Variants in PTPRS observed in about 807,000 individuals in gnomAD.
PTPRS encodes the protein protein tyrosine phosphatase receptor type S, also known as receptor-type tyrosine-protein phosphatase S.
Under a neutral mutation model 215.3 loss-of-function variants are expected in PTPRS, and 63 were observed. The ratio of observed to expected loss-of-function variants is 0.29; its 90% CI spans 0.24 to 0.36. PTPRS has a LOEUF of 0.36. Among genes scored for constraint, PTPRS ranks in the 10% least tolerant of loss-of-function variants. The probability of loss-of-function intolerance (pLI) is 1.00; values close to 1 mark genes in which losing one functional copy is unlikely to be tolerated. For missense variants in PTPRS, 2,258 were observed against 2,825.8 expected, an observed-to-expected ratio of 0.80 and a Z score of 4.56; for synonymous variants, 1,404 against 1,191.4, an observed-to-expected ratio of 1.18 and a Z score of -3.68.
intron 13 of PTPRS, among the ~76,000 whole-genome samples, chr19:5,234,596 T>C (rs2043280517): frequency 6.6e-6 from 1 of 152,260 alleles, no homozygotes; most frequent in African/African-American, 2.4e-5. Context: ...AGTTGTCATT[T>C]AAGCAGCACC....
chr19:5,244,473 T>C lies in PTPRS; in HGVS notation c.998A>G (p.Lys333Arg), dbSNP rs2044300354. 1.2e-6 allele frequency: 2 copies of C among 1,613,092 alleles called. No homozygotes were observed. Among genetic ancestry groups the C allele is most frequent in the South Asian group, 2.2e-5 (2 of 91,010 alleles). ...VAQITVKSLPKAPGTPMVTEN... is the reference protein window; with the variant it reads ...VAQITVKSLPRAPGTPMVTEN... ...AGTCACCATGGGAGTCCCGGGAGCT[T>C]TGGGGAGAGCTGTGGGCAGGAGGCA... The change falls in exon 11 of 38, where the codon AAA becomes AGA. Residue 333 changes from lysine to arginine, a missense_variant. Lys to Arg is a conservative substitution (Grantham distance 26, BLOSUM62 2). This residue lies in a region of PTPRS where 508 missense variants were observed against 799.4 expected (regional missense o/e 0.64). Coordinates refer to ENST00000262963, the MANE Select transcript of PTPRS (RefSeq NM_002850.4). The surrounding 1 kb of genome is among the most constrained non-coding windows in gnomAD (Gnocchi z 7.2).
At chr19:5,340,473 G>GC (rs1360568091) in intron 1 of PTPRS, among the ~76,000 whole-genome samples, 191 bp downstream of exon 1, 4 of 150,554 alleles carry the variant, frequency 2.7e-5, no homozygotes, top group Non-Finnish European at 5.9e-5. Context: ...TTGTCCGGGC[G>GC]CAGCTACCGG....
intron 2 of PTPRS, among the ~76,000 whole-genome samples, chr19:5,281,788 G>T (rs2047871819): frequency 6.6e-6 from 1 of 152,162 alleles, no homozygotes; most frequent in South Asian, 2.1e-4. Context: ...GGGTAGAGAC[G>T]CATCCAGCTG....
At chr19:5,241,333 G>C (rs139191475) in intron 11 of PTPRS, among the ~76,000 whole-genome samples, 1 of 152,074 alleles carries the variant, frequency 6.6e-6, no homozygotes, top group East Asian at 1.9e-4. Context: ...ACCTAGGCTG[G>C]AGTGTAGTGG....
At chr19:5,262,515 G>C (rs2046081394) in intron 6 of PTPRS, among the ~76,000 whole-genome samples, 1 of 152,180 alleles carries the variant, frequency 6.6e-6, no homozygotes, top group South Asian at 2.1e-4. Flanking sequence ...TAGCAGCTAG[G>C]CTGGAAAAAT....
At position 5,206,831 on chromosome 19, in the gene PTPRS, C is replaced by A. The variant is rs199713079; in HGVS notation, c.5790G>T (p.Gln1930His). The A allele has an allele frequency of 3.1e-6, 5 of 1,614,130 alleles. No individual in the cohort carries two copies. In the African/African-American group the frequency reaches 6.7e-5, roughly 22 times the overall value. Residue 1930 changes from glutamine (Q) to histidine (H), a missense_variant, in exon 38 of 38, where the codon CAG (glutamine) becomes CAT (histidine). This residue lies in a region of PTPRS where 89 missense variants were observed against 104.0 expected (regional missense o/e 0.86). Coordinates refer to ENST00000262963, the MANE Select transcript of PTPRS (RefSeq NM_002850.4). ...PAMVQTEDEY[Q>H]FCYQAALEYL... The stretch of plus-strand genomic sequence containing the variant: ...ACTCCAGTGCCGCCTGGTAACAGAA[C>A]TGGTACTCATCCTGGGGGAGCAGAG...
At chr19:5,249,881 T>G (rs986442332) in intron 9 of PTPRS, among the ~76,000 whole-genome samples, 4 of 152,250 alleles carry the variant, frequency 2.6e-5, no homozygotes, top group African/African-American at 9.6e-5. Flanking sequence ...GTCAACATCT[T>G]ATCCAAAAGA....
chr19:5,226,208 C>T (rs1283488163), intron 16 of PTPRS, among the ~76,000 whole-genome samples: 1 of 152,214 alleles, frequency 6.6e-6, no homozygotes, highest in African/African-American at 2.4e-5. Flanking sequence ...ATGGCTCCCA[C>T]CTCTCTTGGG....
intron 2 of PTPRS, among the ~76,000 whole-genome samples, chr19:5,275,001 G>T (rs2047236174): frequency 6.6e-6 from 1 of 152,060 alleles, no homozygotes; most frequent in African/African-American, 2.4e-5. Context: ...TCAGAAAGGG[G>T]AAGTAATATT....
intron 2 of PTPRS, among the ~76,000 whole-genome samples, chr19:5,276,326 G>C (rs1568546096): frequency 6.7e-6 from 1 of 149,512 alleles, no homozygotes; most frequent in Non-Finnish European, 1.5e-5. Context: ...AGGTTCAAGT[G>C]ATTCTCCTAC....
chr19:5,328,322 T>C (rs898119626), intron 1 of PTPRS, among the ~76,000 whole-genome samples: 5 of 151,830 alleles, frequency 3.3e-5, no homozygotes, highest in Admixed American at 2.6e-4. Context: ...GTTGGCCAGG[T>C]TGGTCTCAAA....
chr19:5,326,463 G>A (rs1001350662), intron 1 of PTPRS, among the ~76,000 whole-genome samples: 6 of 152,144 alleles, frequency 3.9e-5, no homozygotes, highest in East Asian at 3.9e-4. Flanking sequence ...CCAGGTTTCC[G>A]TTCACAAGAG....
At position 5,222,698 on chromosome 19, in the gene PTPRS, G is replaced by C. The variant is rs766862256; in HGVS notation, c.3094C>G (p.Arg1032Gly). Residue 1032 changes from arginine to glycine, a missense_variant, in exon 18 of 38, where the codon CGG becomes GGG. This residue lies in a region of PTPRS where 361 missense variants were observed against 332.6 expected (regional missense o/e 1.09). Transcript: ENST00000262963. ...GTCGCCGCGCGCCTACCTTGGTCCCGCAGGAACGTCCGGTAGCGGACGGGG... is the reference window on the plus strand; with the variant it reads ...GTCGCCGCGCGCCTACCTTGGTCCCCCAGGAACGTCCGGTAGCGGACGGGG... ...SPPVRYRTFL[R>G]DQVSPKNFKV... The C allele has an allele frequency of 3.8e-6, 6 of 1,585,824 alleles. No individual in the cohort carries two copies. In the African/African-American group the frequency reaches 8.1e-5, roughly 21 times the overall value.
rs1319219847 is a variant in PTPRS, at chr19:5,218,538, G to A, written c.3936-6C>T. On this transcript the variant is annotated splice_polypyrimidine_tract_variant and splice_region_variant and intron_variant, in intron 24 of 37. Coordinates refer to ENST00000262963, the MANE Select transcript of PTPRS (RefSeq NM_002850.4). ...GTTCTGAGTCCTTGCGTTTACTTTA[G>A]GAGAAGCAAGCGGAACAGTCCAGTT... 1.2e-6 allele frequency: 2 copies of A among 1,613,846 alleles called. No individual in the cohort carries two copies. Among genetic ancestry groups the A allele is most frequent in the Non-Finnish European group, 1.7e-6 (2 of 1,179,828 alleles).
At chr19:5,267,431 T>TGGGC (rs559380646) in intron 4 of PTPRS, among the ~76,000 whole-genome samples, 2 of 152,050 alleles carry the variant, frequency 1.3e-5, no homozygotes, top group African/African-American at 4.8e-5. Context: ...ACGAAGCAGG[T>TGGGC]GGATCACCTG....
rs898568956 is a variant in PTPRS at position 5,269,362 on chromosome 19, T to A, written c.379+4080A>T. Among the ~76,000 whole-genome samples the A allele has an allele frequency of 2.0e-5, 3 of 151,896 alleles. No homozygotes were observed. In the East Asian group the frequency reaches 5.8e-4, roughly 30 times the overall value. ...ACATCGCGAACCACACTCTGCCCAG[T>A]TCCTCGGAGTTTAATTAAAACAACA... On this transcript the variant is annotated intron_variant, in intron 4 of 37. Transcript: ENST00000262963.
At chr19:5,317,137 A>G (rs74371569) in intron 1 of PTPRS, among the ~76,000 whole-genome samples, 3,184 of 152,326 alleles carry the variant, frequency 0.021, 102 homozygotes, top group African/African-American at 0.072. Context: ...TGCCTCATGC[A>G]TAGCAGGCAC....
chr19:5,274,438 G>T (rs1341188516), intron 2 of PTPRS, 94 bp from the exon 3 acceptor site: 1 of 1,366,196 alleles, frequency 7.3e-7, no homozygotes, highest in Non-Finnish European at 9.9e-7. Flanking sequence ...TCCATGCCCT[G>T]CCCACGGAAG....
In PTPRS at chr19:5,210,660, G is replaced by T; in HGVS notation, c.5361+19C>A. ...CACAGTCTGGCCCTCGCCCTTCCCT[G>T]CTGTGGCCCCTAGCTCACCCGGCCC... On this transcript the variant is annotated intron_variant, in intron 34 of 37. Coordinates refer to ENST00000262963, the MANE Select transcript of PTPRS (RefSeq NM_002850.4). This position sits in a 1 kb window ranked among gnomAD's most constrained non-coding sequence, Gnocchi z 4.5. 6.2e-7 allele frequency: 1 copy of T among 1,614,084 alleles called. No homozygotes were observed. The highest frequency in any genetic ancestry group is 8.5e-7 in the Non-Finnish European group (1 of 1,180,016).
Sources: allele counts gnomAD v4.1 joint callset (sites outside exome capture counted in the v4.1 genomes callset), GRCh38; gene constraint gnomAD v4.1.1; regional missense constraint gnomAD v4.1.1; non-coding constraint Gnocchi (gnomAD v3.1); transcripts MANE v1.5; gene names NCBI Gene and HGNC (gene_info 2026-07-23, HGNC 2026-07-21).